DNAH3: variants seen among roughly 807,000 people sequenced by gnomAD.
The protein encoded by DNAH3 is dynein axonemal heavy chain 3, also known as axonemal beta dynein heavy chain 3.
DNAH3 carries 332 observed loss-of-function variants against 432.5 expected under a neutral mutation model. The observed-to-expected ratio is 0.77, with a 90% CI of 0.70 to 0.84. DNAH3 has a LOEUF of 0.84. Ranked by LOEUF, DNAH3 falls within the 40% of genes least tolerant of loss-of-function variation. The pLI is 0.00. For synonymous variants in DNAH3, 1,956 were observed against 1,900.2 expected (o/e 1.03, Z -0.76); for missense variants, 4,861 against 5,114.0 (o/e 0.95, Z 1.51).
chr16:21,134,840 C>T (rs767989270), intron 6 of DNAH3, among the ~76,000 whole-genome samples: 5 of 152,120 alleles, frequency 3.3e-5, no homozygotes, highest in Non-Finnish European at 7.4e-5. Flanking sequence ...GTGGCTGCCA[C>T]CACACCTGCC....
At chr16:20,989,113 A>C (rs1028721278) in intron 44 of DNAH3, among the ~76,000 whole-genome samples, 3 of 152,288 alleles carry the variant, frequency 2.0e-5, no homozygotes, top group Admixed American at 6.5e-5. Flanking sequence ...CGAGCGGGTT[A>C]CCACTGCTGG....
intron 7 of DNAH3, among the ~76,000 whole-genome samples, chr16:21,133,582 G>T (rs2092600388): frequency 1.3e-5 from 2 of 151,816 alleles, no homozygotes; most frequent in Admixed American, 1.3e-4. Flanking sequence ...CTTGACTAAA[G>T]ATGCAAAATT....
intron 20 of DNAH3, among the ~76,000 whole-genome samples, chr16:21,079,337 G>A (rs560447280): frequency 6.6e-6 from 1 of 152,254 alleles, no homozygotes; most frequent in African/African-American, 2.4e-5. Flanking sequence ...GGATAAATGT[G>A]TTAAGGTCGG....
rs532730764 is a variant in DNAH3, at chr16:21,134,672, T to A, written c.887-218A>T. On this transcript the variant is annotated intron_variant, in intron 6 of 61. Coordinates refer to ENST00000261383, the Ensembl canonical transcript of DNAH3. ...TATGCCTGGCCTTAGAGTCAACTCT[T>A]TTTATTTATTTATTTATTTATTTTT... is the stretch of plus-strand genomic sequence containing the variant. 3.8e-4 allele frequency among the ~76,000 whole-genome samples: 58 copies of A among 151,932 alleles called. 1 individual carries two copies. The East Asian group carries it at 5.4e-3, about 14-fold the overall frequency.
At chr16:21,045,849 C>G (rs1399309322) in intron 31 of DNAH3, among the ~76,000 whole-genome samples, 9 of 138,382 alleles carry the variant, frequency 6.5e-5, no homozygotes, top group African/African-American at 2.4e-4. Flanking sequence ...GCTTTGAATG[C>G]GTCCCAGAGA....
chr16:21,118,339 T>C (rs2092256078), intron 11 of DNAH3, among the ~76,000 whole-genome samples: 1 of 152,206 alleles, frequency 6.6e-6, no homozygotes, highest in Non-Finnish European at 1.5e-5. Flanking sequence ...ATGTACTAGA[T>C]TCTCCTCTAA....
intron 22 of DNAH3, 32 bp from the exon 23 acceptor site, chr16:21,069,626 T>A (rs780497234): frequency 1.3e-6 from 2 of 1,575,216 alleles, no homozygotes; most frequent in South Asian, 1.2e-5. Flanking sequence ...TCTGGATCAT[T>A]AACCTGCCAC....
At chr16:20,998,573 G>T (rs2086866398) in intron 43 of DNAH3, among the ~76,000 whole-genome samples, 1 of 151,898 alleles carries the variant, frequency 6.6e-6, no homozygotes, top group Non-Finnish European at 1.5e-5. Context: ...TTTTTGATGA[G>T]AAAACCAAAA....
intron 25 of DNAH3, among the ~76,000 whole-genome samples, chr16:21,061,297 G>A (rs910860997): frequency 7.1e-6 from 1 of 140,324 alleles, no homozygotes; most frequent in Non-Finnish European, 1.5e-5. Flanking sequence ...GTGCAATGGT[G>A]TGATCTCGGC....
chr16:21,059,099 C>T (rs1401552445), intron 26 of DNAH3, among the ~76,000 whole-genome samples: 3 of 152,188 alleles, frequency 2.0e-5, no homozygotes, highest in Non-Finnish European at 4.4e-5. Flanking sequence ...GGCAAAGCTA[C>T]AGTACCCATT....
At chr16:21,137,143 CA>C (rs1012964873) in intron 5 of DNAH3, among the ~76,000 whole-genome samples, 82 of 150,948 alleles carry the variant, frequency 5.4e-4, no homozygotes, top group African/African-American at 1.8e-3. Flanking sequence ...CAAAAACAAA[CA>C]AAAAAACATT....
At chr16:21,146,008 A>G (rs1252272088) in exon 2 of DNAH3, 1 of 1,613,076 alleles carries the variant, frequency 6.2e-7, no homozygotes, top group African/African-American at 1.3e-5. Context: ...ACGGTTCCTC[A>G]TTAGCAGAAG....
intron 24 of DNAH3, 93 bp from the exon 25 acceptor site, chr16:21,062,776 G>A (rs1260933377): frequency 1.4e-5 from 12 of 881,286 alleles, no homozygotes; most frequent in East Asian, 7.8e-5. Context: ...CCGCACCTAC[G>A]TGAATACCAG....
exon 17 of DNAH3, chr16:21,098,676 G>C: frequency 6.2e-7 from 1 of 1,613,716 alleles, no homozygotes; most frequent in Non-Finnish European, 8.5e-7. Context: ...TTTCAACATT[G>C]TGCTTCATTT....
rs942541096 is a variant in DNAH3, at chr16:21,127,851, C to T, written c.1083-39G>A. ...GGGAGAAATTTCCTAAGCTAAAGAA[C>T]GCTTAATAACAAATCCCGCAGGACA... is the stretch of plus-strand genomic sequence containing the variant. On this transcript the variant is annotated intron_variant, in intron 7 of 61. Transcript: ENST00000261383. 8.7e-6 allele frequency: 14 copies of T among 1,611,924 alleles called. No homozygotes were observed. The African/African-American group carries it at 1.1e-4, about 12-fold the overall frequency.
intron 57 of DNAH3, among the ~76,000 whole-genome samples, chr16:20,946,298 T>C (rs920880955): frequency 3.3e-5 from 5 of 152,198 alleles, no homozygotes; most frequent in Non-Finnish European, 4.4e-5. Flanking sequence ...TTTCAACCAA[T>C]TGCCAATCAG....
At chr16:21,030,843 C>T (rs2088833190) in intron 37 of DNAH3, among the ~76,000 whole-genome samples, 3 of 152,140 alleles carry the variant, frequency 2.0e-5, no homozygotes, top group African/African-American at 7.2e-5. Context: ...TCTAAACATG[C>T]TTAGCTTACC....
chr16:21,031,398 G>A (rs2088864537), intron 36 of DNAH3, 112 bp from the exon 37 acceptor site: 2 of 1,344,814 alleles, frequency 1.5e-6, no homozygotes, highest in African/African-American at 2.9e-5. Flanking sequence ...TGCCATATGA[G>A]GGAAGTCCTT....
intron 53 of DNAH3, among the ~76,000 whole-genome samples, chr16:20,961,568 C>T (rs1396945724): frequency 6.6e-6 from 1 of 150,802 alleles, no homozygotes. Flanking sequence ...TTAGAGTGGG[C>T]CTTAATCCAA....
Sources: allele counts gnomAD v4.1 joint callset (sites outside exome capture counted in the v4.1 genomes callset), GRCh38; gene constraint gnomAD v4.1.1; transcripts MANE v1.5; gene names NCBI Gene and HGNC (gene_info 2026-07-23, HGNC 2026-07-21).